The following FBXW8 variants were observed in gnomAD, a reference collection of about 807,000 sequenced individuals.
FBXW8 encodes F-box/WD repeat-containing protein 8.
A neutral mutation model predicts 65.3 loss-of-function variants in FBXW8; 57 were observed. The ratio of observed to expected loss-of-function variants is 0.87; its 90% CI spans 0.71 to 1.09. The LOEUF (loss-of-function observed/expected upper bound fraction) is 1.09, where lower values mean the gene tolerates loss of function less well. FBXW8 is among the 50% of genes least tolerant of loss of function. FBXW8 has a pLI of 0.00. For synonymous variants in FBXW8, 308 were observed against 330.2 expected (o/e 0.93, Z 0.73); for missense variants, 777 against 814.8 (o/e 0.95, Z 0.57).
intron 2 of FBXW8, among the ~76,000 whole-genome samples, chr12:116,928,562 G>T (rs1281818150): frequency 6.6e-6 from 1 of 152,204 alleles, no homozygotes; most frequent in Non-Finnish European, 1.5e-5. Flanking sequence ...TGTTTTAGGT[G>T]TATAGTCCAA....
chr12:116,979,518 G>A (rs544078724), intron 5 of FBXW8: 1 of 152,312 alleles, frequency 6.6e-6, no homozygotes, highest in African/African-American at 2.4e-5. Flanking sequence ...CTCCTTTATT[G>A]GGCCAGTGGT....
chr12:116,970,543 A>G (rs1009207466), intron 5 of FBXW8, among the ~76,000 whole-genome samples: 5 of 152,194 alleles, frequency 3.3e-5, no homozygotes, highest in Non-Finnish European at 5.9e-5. Flanking sequence ...CAGTAGGACC[A>G]TGTTTTAGTT....
chr12:117,000,020 C>T (rs1158957987), intron 7 of FBXW8, among the ~76,000 whole-genome samples: 13 of 134,052 alleles, frequency 9.7e-5, no homozygotes, highest in African/African-American at 2.7e-4. Context: ...GTCTCGCTGT[C>T]TCCCAGGCTG....
intron 5 of FBXW8, among the ~76,000 whole-genome samples, chr12:116,983,850 C>T (rs1565926150): frequency 6.6e-6 from 1 of 152,214 alleles, no homozygotes; most frequent in African/African-American, 2.4e-5. Flanking sequence ...TGTGGCCGGT[C>T]TCCTTTCATC....
At chr12:116,978,310 C>T (rs1403988507) in intron 5 of FBXW8, 2 of 152,194 alleles carry the variant, frequency 1.3e-5, no homozygotes, top group Admixed American at 1.3e-4. Flanking sequence ...TCCTGTCCAA[C>T]TTTATGCTAG....
intron 1 of FBXW8, among the ~76,000 whole-genome samples, chr12:116,921,528 G>A (rs1228277763): frequency 2.0e-5 from 3 of 152,062 alleles, no homozygotes; most frequent in Admixed American, 2.0e-4. Context: ...TTCATTTTAC[G>A]TGACAATGAC....
intron 4 of FBXW8, among the ~76,000 whole-genome samples, chr12:116,958,649 G>T (rs1206910752): frequency 6.6e-6 from 1 of 152,212 alleles, no homozygotes; most frequent in Non-Finnish European, 1.5e-5. Flanking sequence ...TTGGGGAGGA[G>T]CACGGTGCCA....
chr12:116,911,451 T>G, intron 1 of FBXW8, 96 bp downstream of exon 1: 1 of 873,240 alleles, frequency 1.1e-6, no homozygotes, highest in Non-Finnish European at 1.5e-6. Context: ...TGTGTGCCAC[T>G]AGTTGCCCGA....
intron 8 of FBXW8, among the ~76,000 whole-genome samples, chr12:117,023,394 AT>A (rs1954147447): frequency 6.6e-6 from 1 of 152,206 alleles, no homozygotes; most frequent in African/African-American, 2.4e-5. Context: ...AATGTAATGA[AT>A]TTGATTTACT....
intron 7 of FBXW8, among the ~76,000 whole-genome samples, chr12:116,989,801 C>T (rs1953190565): frequency 6.6e-6 from 1 of 152,170 alleles, no homozygotes; most frequent in Non-Finnish European, 1.5e-5. Context: ...CCAGCAGACC[C>T]TGTGTGACTG....
At chr12:116,924,799 G>C (rs1156322103) in intron 1 of FBXW8, among the ~76,000 whole-genome samples, 1 of 152,162 alleles carries the variant, frequency 6.6e-6, no homozygotes, top group East Asian at 1.9e-4. Context: ...TTCAACCACA[G>C]GGCCAAATAT....
At chr12:116,932,689 A>C in intron 2 of FBXW8, among the ~76,000 whole-genome samples, 1 of 152,276 alleles carries the variant, frequency 6.6e-6, no homozygotes, top group Non-Finnish European at 1.5e-5. Flanking sequence ...GTGCGCCACC[A>C]TGCCCAGCTA....
chr12:116,932,511 A>G (rs988604142), intron 2 of FBXW8, among the ~76,000 whole-genome samples: 2 of 152,188 alleles, frequency 1.3e-5, no homozygotes, highest in Non-Finnish European at 2.9e-5. Context: ...CACACATGAT[A>G]CAGGACCATT....
intron 8 of FBXW8, among the ~76,000 whole-genome samples, chr12:117,012,750 A>G (rs1049926842): frequency 1.3e-5 from 2 of 152,190 alleles, no homozygotes; most frequent in African/African-American, 4.8e-5. Flanking sequence ...GCAATTTTTT[A>G]CAAACCCTAG....
intron 1 of FBXW8, among the ~76,000 whole-genome samples, chr12:116,926,581 A>G (rs538178858): frequency 6.6e-6 from 1 of 152,088 alleles, no homozygotes; most frequent in Non-Finnish European, 1.5e-5. Context: ...CATTAAACCA[A>G]TGACTTTCCA....
At position 116,936,031 on chromosome 12, in the gene FBXW8, GTA is replaced by G. The variant is rs35458255; in HGVS notation, c.423+7909_423+7910del. On this transcript the variant is annotated intron_variant, in intron 2 of 10. Coordinates refer to ENST00000652555, the MANE Select transcript of FBXW8 (RefSeq NM_153348.3). This position sits in a 1 kb window ranked among gnomAD's most constrained non-coding sequence, Gnocchi z 4.6. ...ACCAGCTTCTCAGAGAGCTTCCATT[GTA>G]TATACAATAAAGACATGATTAAATA... is the stretch of plus-strand genomic sequence containing the variant. 0.97 allele frequency among the ~76,000 whole-genome samples: 148,326 copies of G among 152,232 alleles called. 72,285 individuals are homozygous for G. The highest frequency in any genetic ancestry group is 0.99 in the African/African-American group (41,337 of 41,556).
chr12:117,019,882 T>A (rs1456030261), intron 8 of FBXW8, among the ~76,000 whole-genome samples: 1 of 152,222 alleles, frequency 6.6e-6, no homozygotes, highest in Non-Finnish European at 1.5e-5. Flanking sequence ...CAGAATTTGA[T>A]CTTTAAAATT....
At position 117,028,042 on chromosome 12, in the gene FBXW8, T is replaced by C. The variant is rs1341703106; in HGVS notation, c.1667T>C (p.Ile556Thr). 1 of 1,614,078 alleles carries C rather than the reference T, an allele frequency of 6.2e-7. No homozygotes were observed. Among genetic ancestry groups the C allele is most frequent in the Admixed American group, 1.7e-5 (1 of 60,034 alleles). ...GCTCTTTCTAGACACCGGGGGCTGA[T>C]CCGCGCCTATGAGTTTGCGGTGGAC... is the stretch of plus-strand genomic sequence containing the variant. ...FTTHRRHRGL[I>T]RAYEFAVDQL... Residue 556 changes from isoleucine to threonine, a missense_variant, in exon 11 of 11, where the codon ATC (isoleucine) becomes ACC (threonine). Transcript: ENST00000652555. The surrounding 1 kb of genome is among the most constrained non-coding windows in gnomAD (Gnocchi z 4.1).
chr12:116,921,822 C>CTTTTTT (rs11449832), intron 1 of FBXW8, among the ~76,000 whole-genome samples: 2 of 99,346 alleles, frequency 2.0e-5, no homozygotes, highest in Non-Finnish European at 4.0e-5. Flanking sequence ...GTATTTCTGA[C>CTTTTTT]TTTTTTTTTT....
Sources: allele counts gnomAD v4.1 joint callset (sites outside exome capture counted in the v4.1 genomes callset), GRCh38; gene constraint gnomAD v4.1.1; non-coding constraint Gnocchi (gnomAD v3.1); transcripts MANE v1.5; gene names NCBI Gene and HGNC (gene_info 2026-07-23, HGNC 2026-07-21).